ATP11C: variants seen among roughly 807,000 people sequenced by gnomAD.
ATP11C encodes the protein ATPase phospholipid transporting 11C (ATP11C blood group).
In ATP11C, 36 loss-of-function variants were observed where a neutral mutation model predicts 97.4. The ratio of observed to expected loss-of-function variants is 0.37; its 90% CI spans 0.28 to 0.49. The LOEUF is 0.49. Ranked by LOEUF, ATP11C falls within the 20% of genes least tolerant of loss-of-function variation. ATP11C has a pLI of 0.98. For missense variants in ATP11C, 730 were observed against 824.6 expected (o/e 0.89, Z 1.40); for synonymous variants, 275 against 290.9 (o/e 0.95, Z 0.56).
chrX:139,826,691 A>G lies in ATP11C; in HGVS notation c.147+13T>C. 3 of 1,194,065 alleles carry G rather than the reference A, an allele frequency of 2.5e-6. No individual in the cohort carries two copies. The highest frequency in any genetic ancestry group is 2.3e-6 in the Non-Finnish European group (2 of 883,329). On this transcript the variant is annotated intron_variant, in intron 2 of 29. Transcript: ENST00000682941. Reference sequence around the variant, plus strand: ...ACTATATGAACATCTATTGAGTTAAAACAAAAACTTACCTTAGATGAGACT... The same window carrying G: ...ACTATATGAACATCTATTGAGTTAAGACAAAAACTTACCTTAGATGAGACT...
chrX:139,804,564 G>A lies in ATP11C; in HGVS notation c.462C>T (p.Thr154=). 8.4e-7 allele frequency: 1 copy of A among 1,194,792 alleles called. No homozygotes were observed. Among genetic ancestry groups the A allele is most frequent in the Non-Finnish European group, 1.1e-6 (1 of 883,398 alleles). ...ATAGAAGAATAAGATCACAGGGAAAGGTTTCATCTGCCTGTACTTCTACTA... is the reference window on the plus strand; with the variant it reads ...ATAGAAGAATAAGATCACAGGGAAAAGTTTCATCTGCCTGTACTTCTACTA... The part of the protein sequence containing the change: ...GDVVEVQADE[T]FPCDLILLSS... Residue 154 remains threonine, a synonymous_variant, in exon 6 of 30, where the codon ACC becomes ACT. Transcript: ENST00000682941.
chrX:139,830,844 T>G (rs1395072655), intron 1 of ATP11C, among the ~76,000 whole-genome samples: 8 of 111,330 alleles, frequency 7.2e-5, no homozygotes, highest in Admixed American at 3.8e-4. Context: ...TGAAAGAGCA[T>G]TTCATCAAAA....
intron 1 of ATP11C, among the ~76,000 whole-genome samples, chrX:139,895,271 GTT>G: frequency 9.2e-6 from 1 of 108,933 alleles, no homozygotes; most frequent in East Asian, 2.9e-4. Context: ...TTTAGAATAA[GTT>G]TTTTTTTTAT....
chrX:139,924,906 TAATA>T (rs2148181790), intron 1 of ATP11C, among the ~76,000 whole-genome samples: 1 of 111,954 alleles, frequency 8.9e-6, no homozygotes, highest in East Asian at 2.8e-4. Context: ...CCTTTTGCTA[TAATA>T]AATCACATCC....
chrX:139,871,516 C>CTTT lies in ATP11C; in HGVS notation c.28-44696_28-44694dup, dbSNP rs1206468631. On this transcript the variant is annotated intron_variant, in intron 1 of 29. Coordinates refer to ENST00000682941, the MANE Select transcript of ATP11C (RefSeq NM_001353812.2). ...GAGCCACTGTGCCTGGCCACCCCCG[C>CTTT]TTTTTTTTTTTTTTTTTTTTGAAAC... is the stretch of plus-strand genomic sequence containing the variant. 2.6e-3 allele frequency among the ~76,000 whole-genome samples: 197 copies of CTTT among 77,182 alleles called. 1 individual carries two copies. Among genetic ancestry groups the CTTT allele is most frequent in the African/African-American group, 7.7e-3 (156 of 20,218 alleles). The allele number at this position is 77,182 out of a possible 115,157, so 67.0% of individuals were successfully genotyped here. A position where few individuals can be genotyped will look rare whatever the true frequency, so the allele number is the denominator to read the frequency against.
At chrX:139,761,261 ACT>A (rs964511459) in intron 22 of ATP11C, among the ~76,000 whole-genome samples, 2 of 111,536 alleles carry the variant, frequency 1.8e-5, no homozygotes, top group African/African-American at 3.3e-5. Context: ...ACAGAGTGAG[ACT>A]CTGTCTTTAA....
chrX:139,736,798 G>A (rs1045255590), intron 28 of ATP11C, among the ~76,000 whole-genome samples: 4 of 111,261 alleles, frequency 3.6e-5, no homozygotes, highest in South Asian at 7.6e-4. Context: ...CCTTGTATAT[G>A]AAGAATCAAT....
intron 1 of ATP11C, among the ~76,000 whole-genome samples, chrX:139,930,094 C>A: frequency 9.0e-6 from 1 of 111,382 alleles, no homozygotes; most frequent in East Asian, 2.8e-4. Flanking sequence ...GCTGAATATT[C>A]CAGCTGCAAC....
chrX:139,798,193 G>T, intron 10 of ATP11C, 80 bp downstream of exon 10: 2 of 858,593 alleles, frequency 2.3e-6, no homozygotes, highest in Admixed American at 3.0e-5. Context: ...GTTGTTTTTT[G>T]TTATGCTTGT....
chrX:139,756,698 C>T (rs2081941879), intron 23 of ATP11C, among the ~76,000 whole-genome samples: 1 of 110,903 alleles, frequency 9.0e-6, no homozygotes, highest in African/African-American at 3.3e-5. Context: ...AGCCATCATC[C>T]TAAGCAAACT....
At chrX:139,779,681 G>A (rs1470197818) in intron 18 of ATP11C, among the ~76,000 whole-genome samples, 1 of 111,355 alleles carries the variant, frequency 9.0e-6, no homozygotes, top group African/African-American at 3.3e-5. Flanking sequence ...AAAGGAACTA[G>A]AAAAACAAAA....
At position 139,788,441 on chromosome X, in the gene ATP11C, G is replaced by T. The variant is rs780307991; in HGVS notation, c.1369-98C>A. The T allele has an allele frequency of 2.3e-5, 18 of 799,717 alleles. No individual in the cohort carries two copies. In the Admixed American group the frequency reaches 2.3e-4, roughly 10 times the overall value. 65.9% of individuals were successfully genotyped at this position (799,717 alleles called of 1,213,427 possible). On this transcript the variant is annotated intron_variant, in intron 13 of 29. Coordinates refer to ENST00000682941, the MANE Select transcript of ATP11C (RefSeq NM_001353812.2). Reference sequence around the variant, plus strand: ...AAATATATTAATGTGAGAGAATGTTGTAACTTCTAACAAACTTAGTAGCAG... The same window carrying T: ...AAATATATTAATGTGAGAGAATGTTTTAACTTCTAACAAACTTAGTAGCAG...
chrX:139,874,209 A>ATTTTTTT (rs140962708), intron 1 of ATP11C, among the ~76,000 whole-genome samples: 8 of 82,012 alleles, frequency 9.8e-5, no homozygotes, highest in Non-Finnish European at 1.1e-4. Context: ...TGCCTGGCTA[A>ATTTTTTT]TTTTTTTTTT....
chrX:139,840,084 T>C (rs1229138992), intron 1 of ATP11C, among the ~76,000 whole-genome samples: 1 of 111,924 alleles, frequency 8.9e-6, no homozygotes, highest in Non-Finnish European at 1.9e-5. Context: ...GAATTTACAA[T>C]GAGCAAAGCA....
chrX:139,769,170 T>C (rs1267270655), intron 19 of ATP11C, among the ~76,000 whole-genome samples: 1 of 102,376 alleles, frequency 9.8e-6, no homozygotes, highest in East Asian at 3.1e-4. Context: ...AAACGTATGG[T>C]ATCTGGAATT....
chrX:139,869,886 CAAAAA>C (rs59723137), intron 1 of ATP11C, among the ~76,000 whole-genome samples: 1 of 42,248 alleles, frequency 2.4e-5, no homozygotes. Context: ...ACTAGACTGG[CAAAAA>C]AAAAAAAAAA....
intron 1 of ATP11C, among the ~76,000 whole-genome samples, chrX:139,911,985 C>T (rs1350845852): frequency 9.2e-6 from 1 of 108,592 alleles, no homozygotes; most frequent in East Asian, 2.9e-4. Context: ...TCAAGACCAG[C>T]CTGGCCATGG....
At chrX:139,762,415 T>G (rs1040111763) in intron 21 of ATP11C, among the ~76,000 whole-genome samples, 2 of 111,393 alleles carry the variant, frequency 1.8e-5, no homozygotes, top group Non-Finnish European at 1.9e-5. Context: ...AGTCACTCAG[T>G]AAGTGCTTAA....
intron 1 of ATP11C, among the ~76,000 whole-genome samples, chrX:139,921,479 G>C (rs1344146509): frequency 8.9e-6 from 1 of 111,749 alleles, no homozygotes; most frequent in Non-Finnish European, 1.9e-5. Flanking sequence ...CAGCCATGTG[G>C]AACTGTGAGT....
Sources: allele counts gnomAD v4.1 joint callset (sites outside exome capture counted in the v4.1 genomes callset), GRCh38; gene constraint gnomAD v4.1.1; transcripts MANE v1.5; gene names NCBI Gene and HGNC (gene_info 2026-07-23, HGNC 2026-07-21).